CNTLN: variants seen among roughly 807,000 people sequenced by gnomAD.
CNTLN encodes the protein centlein, also known as centlein, centrosomal protein.
CNTLN carries 212 observed loss-of-function variants against 180.0 expected under a neutral mutation model. The ratio of observed to expected loss-of-function variants is 1.18; its 90% CI spans 1.05 to 1.32. The LOEUF is 1.32. CNTLN is among the 40% of genes most tolerant of loss of function. The pLI is 0.00. For missense variants in CNTLN, 2,095 were observed against 1,610.9 expected, an observed-to-expected ratio of 1.30 and a Z score of -5.14; for synonymous variants, 722 against 563.1, an observed-to-expected ratio of 1.28 and a Z score of -3.99.
chr9:17,269,058 C>A (rs201880261), intron 5 of CNTLN, among the ~76,000 whole-genome samples: 6 of 152,206 alleles, frequency 3.9e-5, no homozygotes, highest in African/African-American at 1.4e-4. Flanking sequence ...GCACCCACTG[C>A]CTGGCACTCC....
chr9:17,185,197 C>A (rs1587051862), intron 2 of CNTLN, among the ~76,000 whole-genome samples: 2 of 152,232 alleles, frequency 1.3e-5, no homozygotes, highest in South Asian at 4.2e-4. Flanking sequence ...AATTTATATT[C>A]CAAGGTGAAG....
intron 18 of CNTLN, among the ~76,000 whole-genome samples, chr9:17,451,592 C>A (rs756582070): frequency 4.2e-4 from 64 of 152,264 alleles, no homozygotes; most frequent in Non-Finnish European, 8.2e-4. Flanking sequence ...CTAAGCCTCA[C>A]TTTTTACTCT....
rs371685755 is a variant in CNTLN at position 17,409,244 on chromosome 9, G to A, written c.2616-49G>A. 63 of 1,553,528 alleles carry A rather than the reference G, an allele frequency of 4.1e-5. No individual in the cohort carries two copies. In the African/African-American group the frequency reaches 8.6e-4, roughly 21 times the overall value. On this transcript the variant is annotated intron_variant, in intron 15 of 25. Coordinates refer to ENST00000380647, the MANE Select transcript of CNTLN (RefSeq NM_017738.4). ...GGTCTTGAACTTAAGACAAGTACAT[G>A]TAACAACTTTTATTCTTGGATTTTA...
At chr9:17,166,844 A>G in intron 2 of CNTLN, 1 of 452,152 alleles carries the variant, frequency 2.2e-6, no homozygotes, top group Non-Finnish European at 4.5e-6. Context: ...GTGTACCACC[A>G]AAACGAAGAA....
intron 13 of CNTLN, among the ~76,000 whole-genome samples, chr9:17,382,380 C>T (rs529067856): frequency 1.3e-5 from 2 of 152,230 alleles, no homozygotes; most frequent in East Asian, 3.9e-4. Flanking sequence ...AACAATCAAG[C>T]CTTCGGAAAT....
At chr9:17,462,807 T>C (rs532192526) in intron 19 of CNTLN, 109 bp from the exon 20 acceptor site, 142 of 430,934 alleles carry the variant, frequency 3.3e-4, no homozygotes, top group African/African-American at 2.6e-3. Flanking sequence ...TAATTATTGT[T>C]TACCATAATT....
chr9:17,320,749 C>T (rs752689288), intron 8 of CNTLN, among the ~76,000 whole-genome samples: 7 of 151,834 alleles, frequency 4.6e-5, no homozygotes, highest in Non-Finnish European at 1.0e-4. Context: ...GTGATCCACC[C>T]ACCTCAGCCT....
At chr9:17,292,180 A>G (rs569151131) in intron 6 of CNTLN, among the ~76,000 whole-genome samples, 2 of 152,210 alleles carry the variant, frequency 1.3e-5, no homozygotes, top group East Asian at 1.9e-4. Flanking sequence ...TGTTAGTCTA[A>G]TGGGTTTCCC....
rs1285697846 is a variant in CNTLN at position 17,270,809 on chromosome 9, TC to T, written c.850-2923del. ...TATCCTTTTGAAATTTTCTATTTTT[TC>T]TTTTTTTGAATTTTTAAATTTAGAA... On this transcript the variant is annotated intron_variant, in intron 5 of 25. Transcript: ENST00000380647. Among the ~76,000 whole-genome samples the T allele has an allele frequency of 4.0e-4, 60 of 149,212 alleles. 1 individual carries two copies. The highest frequency in any genetic ancestry group is 1.5e-3 in the African/African-American group (59 of 38,762).
At chr9:17,434,706 T>A (rs1434113771) in intron 18 of CNTLN, among the ~76,000 whole-genome samples, 1 of 152,128 alleles carries the variant, frequency 6.6e-6, no homozygotes, top group East Asian at 1.9e-4. Flanking sequence ...AATAGAGTGT[T>A]TTATAGTATT....
At chr9:17,279,914 G>T (rs569702808) in intron 6 of CNTLN, among the ~76,000 whole-genome samples, 1 of 150,006 alleles carries the variant, frequency 6.7e-6, no homozygotes, top group African/African-American at 2.5e-5. Flanking sequence ...ATGGGAATGC[G>T]ACTGTTGGCC....
Position 17,416,051 on chromosome 9 carries a change from A to G in CNTLN, c.2976A>G (p.Gln992=), listed in dbSNP as rs199803234. The change falls in exon 18 of 26, where the codon CAA becomes CAG. Residue 992 remains glutamine (Q), a synonymous_variant. Transcript: ENST00000380647. ...ILLRERIISL[Q]QQNSVLQNAK... is the part of the protein sequence containing the mutation. ...TACGAGAACGGATTATATCCTTGCA[A>G]CAACAAAACAGTGTACTTCAGAATG... 271 of 1,613,646 alleles carry G rather than the reference A, an allele frequency of 1.7e-4. 2 individuals carry two copies. The African/African-American group carries it at 3.0e-3, about 18-fold the overall frequency.
At chr9:17,420,523 T>A (rs1828633697) in intron 18 of CNTLN, among the ~76,000 whole-genome samples, 1 of 152,138 alleles carries the variant, frequency 6.6e-6, no homozygotes, top group Admixed American at 6.5e-5. Flanking sequence ...ATTGATTTTT[T>A]TCATATTGTT....
intron 12 of CNTLN, among the ~76,000 whole-genome samples, chr9:17,364,038 ATTGTCTCTATCTTTG>A (rs951232743): frequency 6.6e-6 from 1 of 152,094 alleles, no homozygotes; most frequent in African/African-American, 2.4e-5. Flanking sequence ...TCATTTAAAG[ATTGTCTCTATCTTTG>A]TTGTCCTGAA....
At chr9:17,214,985 G>A (rs1382811660) in intron 2 of CNTLN, among the ~76,000 whole-genome samples, 2 of 152,142 alleles carry the variant, frequency 1.3e-5, no homozygotes, top group African/African-American at 4.8e-5. Context: ...TAGCTTCTTT[G>A]TGATGGGTTC....
intron 12 of CNTLN, among the ~76,000 whole-genome samples, chr9:17,352,842 A>C (rs1822494046): frequency 6.6e-6 from 1 of 152,222 alleles, no homozygotes; most frequent in South Asian, 2.1e-4. Flanking sequence ...TCTTTCACTT[A>C]GCATAATATT....
intron 13 of CNTLN, among the ~76,000 whole-genome samples, chr9:17,373,573 T>G (rs1285875407): frequency 2.0e-5 from 3 of 152,030 alleles, no homozygotes; most frequent in Non-Finnish European, 2.9e-5. Flanking sequence ...ATCTACAGAT[T>G]TAATGCAAGC....
chr9:17,393,233 A>G (rs1051431518), intron 14 of CNTLN, among the ~76,000 whole-genome samples: 3 of 152,070 alleles, frequency 2.0e-5, no homozygotes, highest in Admixed American at 6.6e-5. Context: ...TCACCTTCCA[A>G]AGGCGCCACC....
At chr9:17,149,151 C>T (rs1325730407) in intron 2 of CNTLN, among the ~76,000 whole-genome samples, 1 of 152,156 alleles carries the variant, frequency 6.6e-6, no homozygotes, top group African/African-American at 2.4e-5. Flanking sequence ...ATAAACTCAT[C>T]CTTTTTTATG....
Sources: gnomAD v4.1 joint callset for allele counts (sites outside exome capture counted in the v4.1 genomes callset) on GRCh38, gnomAD v4.1.1 for gene constraint, MANE v1.5 for transcripts, NCBI Gene and HGNC (gene_info 2026-07-23, HGNC 2026-07-21) for gene names.